DOCK4: variants seen among roughly 807,000 people sequenced by gnomAD.
DOCK4 encodes the protein dedicator of cytokinesis 4.
Under a neutral mutation model 268.1 loss-of-function variants are expected in DOCK4, and 97 were observed. The observed-to-expected ratio is 0.36, with a 90% CI of 0.31 to 0.43. The LOEUF (loss-of-function observed/expected upper bound fraction) is 0.43, where lower values mean the gene tolerates loss of function less well. Among genes scored for constraint, DOCK4 ranks in the 20% least tolerant of loss-of-function variants. The pLI, the probability that DOCK4 is intolerant of heterozygous loss-of-function variation, is 1.00. For missense variants in DOCK4, 2,145 were observed against 2,455.7 expected (o/e 0.87, Z 2.67); for synonymous variants, 954 against 887.2 (o/e 1.08, Z -1.34).
At chr7:112,012,780 T>C (rs980786316) in intron 1 of DOCK4, among the ~76,000 whole-genome samples, 1 of 152,222 alleles carries the variant, frequency 6.6e-6, no homozygotes, top group African/African-American at 2.4e-5. Context: ...TGACTTTTTG[T>C]TACTTTTAGT....
At chr7:111,832,568 C>T (rs1289782986) in intron 26 of DOCK4, among the ~76,000 whole-genome samples, 1 of 152,062 alleles carries the variant, frequency 6.6e-6, no homozygotes, top group African/African-American at 2.4e-5. Flanking sequence ...CACTCTGTTG[C>T]CCAGGCTGGA....
At chr7:112,002,533 T>C (rs1442988528) in intron 2 of DOCK4, among the ~76,000 whole-genome samples, 1 of 152,158 alleles carries the variant, frequency 6.6e-6, no homozygotes, top group Non-Finnish European at 1.5e-5. Context: ...TCAATCACAG[T>C]GGACAGAATA....
At chr7:111,880,427 C>A (rs1300698462) in intron 16 of DOCK4, among the ~76,000 whole-genome samples, 1 of 152,154 alleles carries the variant, frequency 6.6e-6, no homozygotes, top group Non-Finnish European at 1.5e-5. Flanking sequence ...TCATCAACAC[C>A]AGACTTGTCC....
At chr7:112,175,676 T>C (rs541267908) in intron 1 of DOCK4, among the ~76,000 whole-genome samples, 14 of 152,190 alleles carry the variant, frequency 9.2e-5, no homozygotes, top group Admixed American at 2.6e-4. Context: ...TACATCTTTA[T>C]AAATGATTAT....
At chr7:112,095,397 C>G (rs913392202) in intron 1 of DOCK4, among the ~76,000 whole-genome samples, 2 of 151,860 alleles carry the variant, frequency 1.3e-5, no homozygotes, top group African/African-American at 4.8e-5. Flanking sequence ...AAATGGTGAA[C>G]AGGACACAAA....
chr7:111,945,859 C>T (rs559498312), intron 8 of DOCK4, 61 bp from the exon 9 acceptor site: 1 of 1,257,056 alleles, frequency 8.0e-7, no homozygotes, highest in South Asian at 1.3e-5. Flanking sequence ...ATTTATCCCT[C>T]TGTAACTACT....
intron 16 of DOCK4, among the ~76,000 whole-genome samples, chr7:111,891,222 T>G (rs1260837546): frequency 6.6e-6 from 1 of 152,000 alleles, no homozygotes; most frequent in African/African-American, 2.4e-5. Context: ...AAAATAACAC[T>G]TGTCCACTAA....
At chr7:111,979,319 A>T (rs1367775641) in intron 7 of DOCK4, among the ~76,000 whole-genome samples, 1 of 152,188 alleles carries the variant, frequency 6.6e-6, no homozygotes, top group Non-Finnish European at 1.5e-5. Flanking sequence ...GTAAAAGTGG[A>T]GAGTAAGTAA....
intron 22 of DOCK4, among the ~76,000 whole-genome samples, chr7:111,865,995 A>T (rs999572084): frequency 6.6e-6 from 1 of 152,250 alleles, no homozygotes; most frequent in African/African-American, 2.4e-5. Context: ...ATAACACATG[A>T]AAGCTTACAC....
At chr7:112,199,192 A>T (rs1820715779) in intron 1 of DOCK4, among the ~76,000 whole-genome samples, 1 of 152,154 alleles carries the variant, frequency 6.6e-6, no homozygotes, top group Non-Finnish European at 1.5e-5. Flanking sequence ...TCCCTGTATG[A>T]CTCAATTTCC....
chr7:111,820,415 G>GTCCC (rs1801887062), intron 27 of DOCK4: 1 of 152,138 alleles, frequency 6.6e-6, no homozygotes, highest in Non-Finnish European at 1.5e-5. Context: ...ACATTTCTTG[G>GTCCC]GTTTGCTATG....
At chr7:112,035,889 G>C (rs1172802330) in intron 1 of DOCK4, among the ~76,000 whole-genome samples, 1 of 151,958 alleles carries the variant, frequency 6.6e-6, no homozygotes, top group Non-Finnish European at 1.5e-5. Flanking sequence ...TTAAAAAATC[G>C]AGCTATAACT....
chr7:112,177,132 T>C (rs1818605085), intron 1 of DOCK4, among the ~76,000 whole-genome samples: 1 of 152,202 alleles, frequency 6.6e-6, no homozygotes, highest in Non-Finnish European at 1.5e-5. Context: ...ATCTATATGA[T>C]CCTCGCAGAG....
chr7:111,784,631 A>C (rs1799040204), intron 32 of DOCK4, among the ~76,000 whole-genome samples: 1 of 152,164 alleles, frequency 6.6e-6, no homozygotes, highest in South Asian at 2.1e-4. Flanking sequence ...CTCTCCTCCT[A>C]CATTTCCCCT....
chr7:111,764,279 TTCTC>T (rs1797636559), intron 39 of DOCK4, among the ~76,000 whole-genome samples: 1 of 152,220 alleles, frequency 6.6e-6, no homozygotes, highest in Non-Finnish European at 1.5e-5. Context: ...AGTGAAATCT[TTCTC>T]TTCTTCTCCA....
chr7:112,142,677 G>A (rs1012197544), intron 1 of DOCK4, among the ~76,000 whole-genome samples: 3 of 152,036 alleles, frequency 2.0e-5, no homozygotes, highest in African/African-American at 7.2e-5. Flanking sequence ...AAGCTCACAT[G>A]TATTCTTTAC....
chr7:112,117,694 T>C (rs1269331626), intron 1 of DOCK4, among the ~76,000 whole-genome samples: 2 of 152,230 alleles, frequency 1.3e-5, no homozygotes, highest in African/African-American at 2.4e-5. Context: ...GTAAAATGTA[T>C]TGCTGATAAA....
chr7:112,004,101 T>C lies in DOCK4; in HGVS notation c.68A>G (p.Tyr23Cys), dbSNP rs200167542. 2.4e-5 allele frequency: 39 copies of C among 1,600,056 alleles called. No individual in the cohort carries two copies. The highest frequency in any genetic ancestry group is 1.7e-4 in the Middle Eastern group (1 of 6,042). ...VIASFRGTVP[Y>C]GLSLEIGDTV... ...ATCTCCAATTTCCAATGACAGGCCA[T>C]ATGGAACGGTTCCTCGGAAACTGGC... Residue 23 changes from tyrosine (Y) to cysteine (C), a missense_variant, in exon 2 of 53, where the codon TAT becomes TGT. Tyr to Cys is a radical substitution (Grantham distance 194). Coordinates refer to ENST00000428084, the MANE Select transcript of DOCK4 (RefSeq NM_001363540.2).
intron 1 of DOCK4, among the ~76,000 whole-genome samples, chr7:112,119,127 A>C (rs1405119890): frequency 6.6e-6 from 1 of 152,196 alleles, no homozygotes; most frequent in Non-Finnish European, 1.5e-5. Context: ...TCAAGGACCC[A>C]GAGCAGCAGA....
Sources: gnomAD v4.1 joint callset for allele counts (sites outside exome capture counted in the v4.1 genomes callset) on GRCh38, gnomAD v4.1.1 for gene constraint, MANE v1.5 for transcripts, NCBI Gene and HGNC (gene_info 2026-07-23, HGNC 2026-07-21) for gene names.